The following SHISA5 variants were observed in gnomAD, a reference collection of about 807,000 sequenced individuals.
SHISA5 encodes the protein shisa family member 5, also known as protein shisa-5.
A neutral mutation model predicts 27.5 loss-of-function variants in SHISA5; 21 were observed. That is an observed-to-expected ratio of 0.76 (90% confidence interval 0.54 to 1.10). The LOEUF is 1.10. Among genes scored for constraint, SHISA5 ranks in the 50% least tolerant of loss-of-function variants. SHISA5 has a pLI of 0.00. For missense variants in SHISA5, 314 were observed against 336.3 expected (o/e 0.93, Z 0.52); for synonymous variants, 137 against 142.2 (o/e 0.96, Z 0.26).
chr3:48,478,102 T>C (rs912380366), intron 3 of SHISA5, among the ~76,000 whole-genome samples: 3 of 152,200 alleles, frequency 2.0e-5, no homozygotes, highest in East Asian at 1.9e-4. Flanking sequence ...AGGCTGGGCA[T>C]AGGCATCTCC....
Position 48,504,081 on chromosome 3 carries a change from A to G in SHISA5, c.14T>C (p.Val5Ala). Reference protein sequence around the residue: MTAPVPAPRILLPLL... With the variant: MTAPAPAPRILLPLL... Reference sequence around the variant, plus strand: ...CGGCAACAGGATCCGCGGCGCGGGGACCGGCGCAGTCATGGCTGGGCGGGC... The same window carrying G: ...CGGCAACAGGATCCGCGGCGCGGGGGCCGGCGCAGTCATGGCTGGGCGGGC... Residue 5 changes from valine (V) to alanine (A), a missense_variant, in exon 1 of 6, where the codon GTC becomes GCC. Val to Ala is a moderately conservative substitution (Grantham distance 64, BLOSUM62 0). Transcript: ENST00000296444. The surrounding 1 kb of genome is among the most constrained non-coding windows in gnomAD (Gnocchi z 4.0). 2 of 1,393,482 alleles carry G rather than the reference A, an allele frequency of 1.4e-6. No individual in the cohort carries two copies. The highest frequency in any genetic ancestry group is 1.9e-6 in the Non-Finnish European group (2 of 1,064,512). The allele number at this position is 1,393,482 out of a possible 1,614,324, so 86.3% of individuals were successfully genotyped here.
At chr3:48,472,009 CCT>C (rs2040645796) in intron 3 of SHISA5, among the ~76,000 whole-genome samples, 1 of 151,156 alleles carries the variant, frequency 6.6e-6, no homozygotes, top group Non-Finnish European at 1.5e-5. Flanking sequence ...ATGGTAAAAC[CCT>C]GTCTCTACTA....
At chr3:48,475,295 T>A (rs1257974751) in intron 3 of SHISA5, among the ~76,000 whole-genome samples, 1 of 151,858 alleles carries the variant, frequency 6.6e-6, no homozygotes, top group African/African-American at 2.4e-5. Flanking sequence ...GAACTACGCC[T>A]CCGAGAGGAA....
intron 2 of SHISA5, among the ~76,000 whole-genome samples, chr3:48,487,728 A>G (rs1273186218): frequency 6.6e-6 from 1 of 152,130 alleles, no homozygotes; most frequent in Non-Finnish European, 1.5e-5. Flanking sequence ...AACCCTGTCT[A>G]CTAAAAATAC....
In SHISA5 at chr3:48,469,081, T is replaced by A. The variant is rs2040481005; in HGVS notation, c.*26A>T. The A allele has an allele frequency of 6.2e-7, 1 of 1,612,168 alleles. No individual in the cohort carries two copies. Among genetic ancestry groups the A allele is most frequent in the Non-Finnish European group, 8.5e-7 (1 of 1,179,964 alleles). On this transcript the variant is annotated 3_prime_UTR_variant, in exon 6 of 6. Coordinates refer to ENST00000296444, the MANE Select transcript of SHISA5 (RefSeq NM_016479.6). The surrounding 1 kb of genome is among the most constrained non-coding windows in gnomAD (Gnocchi z 4.6). ...CACGCACACACACAACATAACCAAGTGGCAGCCAGAGAGGCCAGGGAATGC... is the reference window on the plus strand; with the variant it reads ...CACGCACACACACAACATAACCAAGAGGCAGCCAGAGAGGCCAGGGAATGC...
intron 3 of SHISA5, among the ~76,000 whole-genome samples, chr3:48,472,272 G>A (rs995146499): frequency 1.3e-5 from 2 of 152,246 alleles, no homozygotes; most frequent in South Asian, 4.1e-4. Context: ...CGGATCGCCT[G>A]AGGTCAGGAA....
At position 48,469,226 on chromosome 3, in the gene SHISA5, G is replaced by A; in HGVS notation, c.644-40C>T. 1 of 1,602,348 alleles carries A rather than the reference G, an allele frequency of 6.2e-7. No individual in the cohort carries two copies. Among genetic ancestry groups the A allele is most frequent in the Non-Finnish European group, 8.5e-7 (1 of 1,174,858 alleles). Reference sequence around the variant, plus strand: ...GACCCTGGTTGGCTGTGAGCATGGTGGGCTGCCGTGTGAGTGGCAGGCAAG... The same window carrying A: ...GACCCTGGTTGGCTGTGAGCATGGTAGGCTGCCGTGTGAGTGGCAGGCAAG... On this transcript the variant is annotated intron_variant, in intron 5 of 5. Transcript: ENST00000296444. This position sits in a 1 kb window ranked among gnomAD's most constrained non-coding sequence, Gnocchi z 4.6.
chr3:48,485,359 G>T (rs1340460144), intron 2 of SHISA5, among the ~76,000 whole-genome samples: 2 of 151,506 alleles, frequency 1.3e-5, no homozygotes, highest in African/African-American at 4.8e-5. Flanking sequence ...GCCAAGCGTG[G>T]TGGTGCATGC....
At chr3:48,483,107 T>A (rs1353613403) in intron 2 of SHISA5, among the ~76,000 whole-genome samples, 29 of 151,526 alleles carry the variant, frequency 1.9e-4, no homozygotes, top group African/African-American at 2.4e-4. Context: ...TTTTTTTTTT[T>A]ATTGATCATT....
chr3:48,484,114 T>G (rs2041121391), intron 2 of SHISA5, among the ~76,000 whole-genome samples: 1 of 152,194 alleles, frequency 6.6e-6, no homozygotes, highest in African/African-American at 2.4e-5. Flanking sequence ...AGCACAATGG[T>G]GTCAGAGTAT....
intron 2 of SHISA5, among the ~76,000 whole-genome samples, chr3:48,495,489 A>C (rs1029080384): frequency 6.8e-6 from 1 of 146,110 alleles, no homozygotes; most frequent in African/African-American, 2.7e-5. Flanking sequence ...CTGGTGTGAG[A>C]GAATAGAAGA....
intron 2 of SHISA5, among the ~76,000 whole-genome samples, chr3:48,495,468 T>C (rs1346890820): frequency 1.4e-5 from 2 of 145,890 alleles, no homozygotes; most frequent in African/African-American, 5.5e-5. Flanking sequence ...AGAAATCTTG[T>C]GTTGATTGTT....
intron 3 of SHISA5, among the ~76,000 whole-genome samples, chr3:48,475,022 TG>T (rs2040772375): frequency 6.6e-6 from 1 of 152,196 alleles, no homozygotes; most frequent in Non-Finnish European, 1.5e-5. Context: ...AACTACGTCT[TG>T]CCCCTGCTTT....
At chr3:48,493,357 G>A (rs2041479950) in intron 2 of SHISA5, among the ~76,000 whole-genome samples, 1 of 146,690 alleles carries the variant, frequency 6.8e-6, no homozygotes. Flanking sequence ...TTGAGCCCAG[G>A]AGGTAGAGGC....
At position 48,470,379 on chromosome 3, in the gene SHISA5, C is replaced by T. The variant is rs1473052365; in HGVS notation, c.315-536G>A. Reference sequence around the variant, plus strand: ...ACAGGAGGCCCCCATTGTTCCCCTGCACTCCACAACAGCCCCAGGGCAGGG... The same window carrying T: ...ACAGGAGGCCCCCATTGTTCCCCTGTACTCCACAACAGCCCCAGGGCAGGG... On this transcript the variant is annotated intron_variant, in intron 3 of 5. Coordinates refer to ENST00000296444, the MANE Select transcript of SHISA5 (RefSeq NM_016479.6). The surrounding 1 kb of genome is among the most constrained non-coding windows in gnomAD (Gnocchi z 4.3). Among the ~76,000 whole-genome samples, 3 of 152,222 alleles carry T rather than the reference C, an allele frequency of 2.0e-5. No individual in the cohort carries two copies. The highest frequency in any genetic ancestry group is 4.4e-5 in the Non-Finnish European group (3 of 68,040).
chr3:48,503,795 A>C, intron 1 of SHISA5: 2 of 1,248,812 alleles, frequency 1.6e-6, no homozygotes, highest in Non-Finnish European at 1.0e-6. Context: ...CAGGACAGAC[A>C]AAGGTGGCAG....
chr3:48,483,875 C>T (rs1346334489), intron 2 of SHISA5, among the ~76,000 whole-genome samples: 1 of 152,246 alleles, frequency 6.6e-6, no homozygotes, highest in African/African-American at 2.4e-5. Context: ...CTGACCCCAC[C>T]TAGCTAATTT....
intron 3 of SHISA5, among the ~76,000 whole-genome samples, chr3:48,478,513 AG>A (rs1327751090): frequency 6.6e-6 from 1 of 151,996 alleles, no homozygotes; most frequent in Non-Finnish European, 1.5e-5. Context: ...AGCCCGCCCT[AG>A]TGGCTGCACA....
At chr3:48,495,393 CAAA>C (rs1247892664) in intron 2 of SHISA5, among the ~76,000 whole-genome samples, 1 of 86,608 alleles carries the variant, frequency 1.2e-5, no homozygotes. Context: ...TGAAGTGGCT[CAAA>C]AAAAAAAAAA....
Sources: allele counts gnomAD v4.1 joint callset (sites outside exome capture counted in the v4.1 genomes callset), GRCh38; gene constraint gnomAD v4.1.1; non-coding constraint Gnocchi (gnomAD v3.1); transcripts MANE v1.5; gene names NCBI Gene and HGNC (gene_info 2026-07-23, HGNC 2026-07-21).